Variants in MBOAT2 observed in about 807,000 individuals in gnomAD.
MBOAT2 encodes the protein membrane-bound glycerophospholipid O-acyltransferase 2.
Under a neutral mutation model 63.4 loss-of-function variants are expected in MBOAT2, and 28 were observed. The ratio of observed to expected loss-of-function variants is 0.44; its 90% CI spans 0.33 to 0.61. MBOAT2 has a LOEUF of 0.61. MBOAT2 is among the 20% of genes least tolerant of loss of function. MBOAT2 has a pLI of 0.03. For synonymous variants in MBOAT2, 211 were observed against 215.6 expected (o/e 0.98, Z 0.19); for missense variants, 470 against 605.8 (o/e 0.78, Z 2.35).
chr2:8,916,072 C>T (rs1258787029), intron 3 of MBOAT2, among the ~76,000 whole-genome samples: 1 of 152,158 alleles, frequency 6.6e-6, no homozygotes, highest in Non-Finnish European at 1.5e-5. Flanking sequence ...GCTGTTGGCA[C>T]GTCTACATGT....
At chr2:8,995,171 C>T (rs938595301) in intron 1 of MBOAT2, among the ~76,000 whole-genome samples, 2 of 152,122 alleles carry the variant, frequency 1.3e-5, no homozygotes, top group African/African-American at 4.8e-5. Context: ...CTACTGGTTG[C>T]AGTGAGCCGA....
intron 1 of MBOAT2, among the ~76,000 whole-genome samples, chr2:9,002,306 C>T (rs1446667829): frequency 5.9e-5 from 9 of 152,188 alleles, no homozygotes; most frequent in Non-Finnish European, 8.8e-5. Context: ...AATTGTTTAA[C>T]ACTCCTTCGA....
At chr2:8,930,178 A>C (rs1667216130) in intron 3 of MBOAT2, among the ~76,000 whole-genome samples, 1 of 152,204 alleles carries the variant, frequency 6.6e-6, no homozygotes, top group African/African-American at 2.4e-5. Flanking sequence ...AGTTTTCCTC[A>C]AGATCTGAGA....
At chr2:8,996,208 C>T (rs1264112365) in intron 1 of MBOAT2, among the ~76,000 whole-genome samples, 2 of 152,162 alleles carry the variant, frequency 1.3e-5, no homozygotes, top group Non-Finnish European at 2.9e-5. Context: ...ACATTTGCCA[C>T]TGGATTTCAT....
intron 1 of MBOAT2, among the ~76,000 whole-genome samples, chr2:8,984,520 G>C (rs1487160049): frequency 6.6e-6 from 1 of 152,106 alleles, no homozygotes; most frequent in Admixed American, 6.6e-5. Flanking sequence ...GAGCTTAAAA[G>C]GGTGTTCCTT....
chr2:8,986,202 G>GT (rs1671552494), intron 1 of MBOAT2, among the ~76,000 whole-genome samples: 1 of 138,856 alleles, frequency 7.2e-6, no homozygotes, highest in South Asian at 2.3e-4. Context: ...AGCAGACAAG[G>GT]TCACCAAAAA....
intron 9 of MBOAT2, among the ~76,000 whole-genome samples, chr2:8,867,631 T>A (rs1661995162): frequency 6.6e-6 from 1 of 152,254 alleles, no homozygotes; most frequent in Non-Finnish European, 1.5e-5. Context: ...ACCAGATTTC[T>A]GGGCCTGATT....
At chr2:8,970,824 A>G (rs1341819575) in intron 1 of MBOAT2, among the ~76,000 whole-genome samples, 2 of 152,246 alleles carry the variant, frequency 1.3e-5, no homozygotes, top group African/African-American at 2.4e-5. Context: ...TAAACTAGGA[A>G]GAAGTTGAAT....
At chr2:8,864,757 C>T (rs1661742041) in intron 9 of MBOAT2, among the ~76,000 whole-genome samples, 1 of 152,254 alleles carries the variant, frequency 6.6e-6, no homozygotes, top group Admixed American at 6.5e-5. Flanking sequence ...GGGCATCCCA[C>T]CTTCCCAGCT....
chr2:8,986,354 T>C (rs1251583967), intron 1 of MBOAT2, among the ~76,000 whole-genome samples: 1 of 151,966 alleles, frequency 6.6e-6, no homozygotes, highest in Non-Finnish European at 1.5e-5. Flanking sequence ...GGCAGGCTGA[T>C]CACTTGCGAG....
intron 1 of MBOAT2, among the ~76,000 whole-genome samples, chr2:8,978,102 G>A (rs1670949038): frequency 6.6e-6 from 1 of 152,060 alleles, no homozygotes. Flanking sequence ...AGACTGCCAT[G>A]ATTAAAATAA....
chr2:8,967,977 G>A (rs772903544), intron 1 of MBOAT2, among the ~76,000 whole-genome samples: 20 of 152,142 alleles, frequency 1.3e-4, no homozygotes, highest in Non-Finnish European at 2.1e-4. Flanking sequence ...CCCAGAGTGA[G>A]TGACGCAGAA....
At chr2:8,955,218 T>C (rs568830964) in intron 2 of MBOAT2, among the ~76,000 whole-genome samples, 12 of 152,276 alleles carry the variant, frequency 7.9e-5, no homozygotes, top group African/African-American at 2.9e-4. Context: ...TTAAAAATGG[T>C]GTCCTGTTCT....
rs545357490 is a variant in MBOAT2 at position 8,853,977 on chromosome 2, G to A, written c.*4702C>T. The A allele has an allele frequency of 6.6e-6, 1 of 152,214 alleles. No individual in the cohort carries two copies. The highest frequency in any genetic ancestry group is 6.5e-5 in the Admixed American group (1 of 15,292). 9.4% of individuals were successfully genotyped at this position (152,214 alleles called of 1,614,324 possible). On this transcript the variant is annotated 3_prime_UTR_variant, in exon 13 of 13. Transcript: ENST00000305997. ...TTAAAACATACAAAAACATTATTCAGCAGCCTACCAATTAAAATGTAATTG... is the reference window on the plus strand; with the variant it reads ...TTAAAACATACAAAAACATTATTCAACAGCCTACCAATTAAAATGTAATTG...
Position 8,912,329 on chromosome 2 carries a change from A to AAG in MBOAT2, c.300-3615_300-3614dup, listed in dbSNP as rs1553362330. On this transcript the variant is annotated intron_variant, in intron 3 of 12. Coordinates refer to ENST00000305997, the MANE Select transcript of MBOAT2 (RefSeq NM_138799.4). ...AAAGAAAGAAAGAAAGAAAGAAAGA[A>AAG]AGAAAGAAAGAAAGAAAGAAAGAGA... Among the ~76,000 whole-genome samples the AAG allele has an allele frequency of 6.0e-5, 6 of 100,266 alleles. No homozygotes were observed. The East Asian group carries it at 7.8e-4, about 13-fold the overall frequency. 65.8% of individuals were successfully genotyped at this position (100,266 alleles called of 152,430 possible).
intron 1 of MBOAT2, among the ~76,000 whole-genome samples, chr2:8,965,713 TA>T (rs1669931038): frequency 6.6e-6 from 1 of 152,164 alleles, no homozygotes. Context: ...TATCAAACCA[TA>T]CACTTATATG....
intron 4 of MBOAT2, among the ~76,000 whole-genome samples, chr2:8,903,169 G>A (rs1443167522): frequency 6.6e-6 from 1 of 152,144 alleles, no homozygotes; most frequent in African/African-American, 2.4e-5. Context: ...GCACTGATTG[G>A]TGCATTTACA....
At chr2:8,989,334 GGGT>G in intron 1 of MBOAT2, among the ~76,000 whole-genome samples, 1 of 152,166 alleles carries the variant, frequency 6.6e-6, no homozygotes, top group Non-Finnish European at 1.5e-5. Context: ...CATGCCTCAT[GGGT>G]TCTATCATTG....
At chr2:8,982,485 G>A (rs1471943994) in intron 1 of MBOAT2, among the ~76,000 whole-genome samples, 2 of 152,100 alleles carry the variant, frequency 1.3e-5, no homozygotes, top group African/African-American at 2.4e-5. Flanking sequence ...TTAGCCTTCC[G>A]TCTGTAATCA....
Sources: allele counts gnomAD v4.1 joint callset (sites outside exome capture counted in the v4.1 genomes callset), GRCh38; gene constraint gnomAD v4.1.1; transcripts MANE v1.5; gene names NCBI Gene and HGNC (gene_info 2026-07-23, HGNC 2026-07-21).